The following DOCK8 variants were observed in gnomAD, a reference collection of about 807,000 sequenced individuals.
DOCK8 encodes dedicator of cytokinesis protein 8.
In DOCK8, 141 loss-of-function variants were observed where a neutral mutation model predicts 245.6. That is an observed-to-expected ratio of 0.57 (90% CI 0.50 to 0.66). The LOEUF is 0.66. Among genes scored for constraint, DOCK8 ranks in the 30% least tolerant of loss-of-function variants. The pLI is 0.00. For missense variants in DOCK8, 2,965 were observed against 2,603.4 expected (o/e 1.14, Z -3.02); for synonymous variants, 1,168 against 970.2 (o/e 1.20, Z -3.79).
chr9:319,496 A>C (rs189336370), intron 7 of DOCK8, among the ~76,000 whole-genome samples: 1 of 152,352 alleles, frequency 6.6e-6, no homozygotes, highest in Admixed American at 6.5e-5. Context: ...CCTCCGAGTA[A>C]CTACTTAGAG....
chr9:432,506 C>A (rs1196440022), intron 37 of DOCK8, among the ~76,000 whole-genome samples, 182 bp downstream of exon 37: 1 of 152,214 alleles, frequency 6.6e-6, no homozygotes. Flanking sequence ...ACATCCATCA[C>A]TGTCCCCAGT....
chr9:365,494 G>T (rs1586810018), intron 14 of DOCK8: 3 of 426,682 alleles, frequency 7.0e-6, no homozygotes, highest in Non-Finnish European at 1.4e-5. Context: ...GCCTTTAGAA[G>T]CATATATCAT....
chr9:457,467 A>G (rs780274283), intron 46 of DOCK8, among the ~76,000 whole-genome samples: 4 of 152,220 alleles, frequency 2.6e-5, no homozygotes, highest in African/African-American at 4.8e-5. Flanking sequence ...TAGGGGACTG[A>G]TGGATTTGAG....
rs141697509 is a variant in DOCK8 at position 336,715 on chromosome 9, G to A, written c.1419G>A (p.Lys473=). The A allele has an allele frequency of 5.0e-6, 8 of 1,613,968 alleles. No individual in the cohort carries two copies. The highest frequency in any genetic ancestry group is 1.1e-5 in the South Asian group (1 of 91,074). The change falls in exon 12 of 48, where the codon AAG becomes AAA. Residue 473 remains lysine (K), a synonymous_variant. Coordinates refer to ENST00000432829, the MANE Select transcript of DOCK8 (RefSeq NM_203447.4). ...CTCTGAGCGTTAGCAGCTTTTTCAA[G>A]CAGGTATCTCTTCACATTACAGTGT... is the stretch of plus-strand genomic sequence containing the variant. ...TSTLSVSSFF[K]QEGDRLSDED...
chr9:372,022 G>A (rs945098531), intron 17 of DOCK8, among the ~76,000 whole-genome samples, 163 bp from the exon 18 acceptor site: 6 of 152,044 alleles, frequency 3.9e-5, no homozygotes, highest in East Asian at 3.8e-4. Context: ...AGGAGGTCTC[G>A]GAGATTTAAA....
intron 14 of DOCK8, among the ~76,000 whole-genome samples, chr9:350,310 C>T (rs1174428966): frequency 1.3e-5 from 2 of 152,194 alleles, no homozygotes; most frequent in South Asian, 2.1e-4. Context: ...CAAGGTCTCA[C>T]TCTGTTGCCC....
chr9:425,622 A>G (rs548484277), intron 33 of DOCK8, among the ~76,000 whole-genome samples: 11 of 151,576 alleles, frequency 7.3e-5, no homozygotes, highest in Non-Finnish European at 1.5e-4. Context: ...TAAAAATTTG[A>G]TGGCTCATGC....
chr9:336,769 G>A, intron 12 of DOCK8, 51 bp downstream of exon 12: 1 of 1,610,558 alleles, frequency 6.2e-7, no homozygotes, highest in Non-Finnish European at 8.5e-7. Flanking sequence ...ACTGGCATGG[G>A]CACTGGAACC....
intron 36 of DOCK8, 122 bp from the exon 37 acceptor site, chr9:432,044 T>A (rs2056731923): frequency 1.0e-6 from 1 of 990,802 alleles, no homozygotes; most frequent in Admixed American, 2.1e-5. Flanking sequence ...GAAGAGGAAA[T>A]AATTAAGACG....
intron 28 of DOCK8, among the ~76,000 whole-genome samples, chr9:409,090 T>G (rs572777023): frequency 6.6e-6 from 1 of 151,156 alleles, no homozygotes; most frequent in South Asian, 2.2e-4. Flanking sequence ...CAATACTTCC[T>G]ATTGATCAGC....
chr9:273,392 T>C (rs574792073), intron 2 of DOCK8, among the ~76,000 whole-genome samples: 2 of 152,308 alleles, frequency 1.3e-5, no homozygotes, highest in South Asian at 4.1e-4. Context: ...AAATTAGATA[T>C]GCTTATTGGT....
chr9:340,173 G>A lies in DOCK8; in HGVS notation c.1531G>A (p.Glu511Lys), dbSNP rs1371308150. The A allele has an allele frequency of 6.2e-7, 1 of 1,614,084 alleles. No homozygotes were observed. The highest frequency in any genetic ancestry group is 8.5e-7 in the Non-Finnish European group (1 of 1,179,992). The change falls in exon 14 of 48, where the codon GAG becomes AAG. Residue 511 changes from glutamate to lysine, a missense_variant. Physicochemically the swap from Glu to Lys is moderately conservative, Grantham distance 56. This residue lies in a region of DOCK8 where 2,825 missense variants were observed against 2,453.5 expected (regional missense o/e 1.15). Coordinates refer to ENST00000432829, the MANE Select transcript of DOCK8 (RefSeq NM_203447.4). ...VKSIPGLLRLEISTAPEIINC... is the reference protein window; with the variant it reads ...VKSIPGLLRLKISTAPEIINC... ...TCTCTCTTTAGGCTTGCTAAGACTG[G>A]AGATTTCTACAGCTCCAGAGATCAT...
In DOCK8 at chr9:414,971, C is replaced by CT; in HGVS notation, c.3700+23dup. 1 of 1,612,448 alleles carries CT rather than the reference C, an allele frequency of 6.2e-7. No individual in the cohort carries two copies. The highest frequency in any genetic ancestry group is 8.5e-7 in the Non-Finnish European group (1 of 1,179,958). On this transcript the variant is annotated intron_variant, in intron 29 of 47. Coordinates refer to ENST00000432829, the MANE Select transcript of DOCK8 (RefSeq NM_203447.4). Reference sequence around the variant, plus strand: ...TTACAGGTAATGGCCCTTCTGTTTTCTTTCTTGGATTGTTGGGGGCCCCTG... The same window carrying CT: ...TTACAGGTAATGGCCCTTCTGTTTTCTTTTCTTGGATTGTTGGGGGCCCCTG...
chr9:430,945 C>T (rs2056687418), intron 36 of DOCK8, among the ~76,000 whole-genome samples: 1 of 152,158 alleles, frequency 6.6e-6, no homozygotes, highest in Non-Finnish European at 1.5e-5. Context: ...TCAGAGCTCA[C>T]TGCAGCCTTC....
At chr9:399,581 C>G (rs1195954663) in intron 26 of DOCK8, among the ~76,000 whole-genome samples, 1 of 152,108 alleles carries the variant, frequency 6.6e-6, no homozygotes, top group Non-Finnish European at 1.5e-5. Flanking sequence ...TGCTTTCAGT[C>G]TTTGACAAGT....
At chr9:407,167 T>C (rs2055469956) in intron 28 of DOCK8, 98 bp downstream of exon 28, 3 of 1,552,070 alleles carry the variant, frequency 1.9e-6, no homozygotes, top group South Asian at 1.2e-5. Context: ...TAAAAAACTC[T>C]ACTGTAGTTG....
At position 289,481 on chromosome 9, in the gene DOCK8, C is replaced by T. The variant is rs540869216; in HGVS notation, c.333-29C>T. 16,443 of 1,584,202 alleles carry T rather than the reference C, an allele frequency of 0.01. 149 individuals are homozygous for T. The highest frequency in any genetic ancestry group is 0.029 in the Middle Eastern group (172 of 5,974). On this transcript the variant is annotated intron_variant, in intron 3 of 47. Transcript: ENST00000432829. The stretch of plus-strand genomic sequence containing the variant: ...GTTTTGTTGTTTTACCCAGTAATAA[C>T]GTGTTTATTTCATTTTCTACCTCAT...
At chr9:334,105 G>A (rs1247462899) in intron 10 of DOCK8, 120 bp from the exon 11 acceptor site, 1 of 1,113,280 alleles carries the variant, frequency 9.0e-7, no homozygotes, top group South Asian at 1.3e-5. Context: ...GGGAAGATAT[G>A]TTTTTACTCT....
chr9:430,012 A>C (rs1444384493), intron 36 of DOCK8, among the ~76,000 whole-genome samples, 158 bp downstream of exon 36: 1 of 152,254 alleles, frequency 6.6e-6, no homozygotes, highest in Non-Finnish European at 1.5e-5. Context: ...AGCAGCTTCC[A>C]TTTTAATTTG....
Sources: allele counts gnomAD v4.1 joint callset (sites outside exome capture counted in the v4.1 genomes callset), GRCh38; gene constraint gnomAD v4.1.1; regional missense constraint gnomAD v4.1.1; transcripts MANE v1.5; gene names NCBI Gene and HGNC (gene_info 2026-07-23, HGNC 2026-07-21).